ADAMTSL1: variants seen among roughly 807,000 people sequenced by gnomAD.
ADAMTSL1 encodes ADAMTS-like protein 1.
ADAMTSL1 carries 126 observed loss-of-function variants against 201.8 expected under a neutral mutation model. That is an observed-to-expected ratio of 0.62 (90% CI 0.54 to 0.72). The LOEUF is 0.72. Ranked by LOEUF, ADAMTSL1 falls within the 30% of genes least tolerant of loss-of-function variation. The pLI, the probability that ADAMTSL1 is intolerant of heterozygous loss-of-function variation, is 0.00. For missense variants in ADAMTSL1, 2,679 were observed against 2,277.8 expected, an observed-to-expected ratio of 1.18 and a Z score of -3.59; for synonymous variants, 1,121 against 903.4, an observed-to-expected ratio of 1.24 and a Z score of -4.32.
chr9:18,350,816 T>G (rs1039110258), intron 2 of ADAMTSL1, among the ~76,000 whole-genome samples: 13 of 152,134 alleles, frequency 8.5e-5, no homozygotes, highest in African/African-American at 3.1e-4. Context: ...CACAGTTTTA[T>G]GGAATTGGCA....
intron 23 of ADAMTSL1, among the ~76,000 whole-genome samples, chr9:18,876,333 T>TGTGTGTGTGTGC (rs1340134785): frequency 1.3e-5 from 2 of 151,474 alleles, no homozygotes; most frequent in African/African-American, 2.4e-5. Flanking sequence ...TGTGTGTGCG[T>TGTGTGTGTGTGC]GATTGTTTTA....
intron 7 of ADAMTSL1, among the ~76,000 whole-genome samples, chr9:18,645,254 A>C (rs1029573959): frequency 2.0e-5 from 3 of 152,078 alleles, no homozygotes; most frequent in Non-Finnish European, 4.4e-5. Context: ...ATTCTTGTAA[A>C]TTTGTTTGAG....
At chr9:18,714,629 C>T (rs1191312321) in intron 14 of ADAMTSL1, among the ~76,000 whole-genome samples, 1 of 143,582 alleles carries the variant, frequency 7.0e-6, no homozygotes, top group Non-Finnish European at 1.6e-5. Flanking sequence ...CAAAAAGAGT[C>T]CAGAACCAGA....
At chr9:18,786,849 A>G (rs1821738842) in intron 19 of ADAMTSL1, among the ~76,000 whole-genome samples, 1 of 152,212 alleles carries the variant, frequency 6.6e-6, no homozygotes, top group East Asian at 1.9e-4. Flanking sequence ...TGAAATCTGT[A>G]GCCTCTAAAT....
intron 1 of ADAMTSL1, among the ~76,000 whole-genome samples, chr9:17,933,671 C>T (rs188450335): frequency 2.0e-5 from 3 of 151,968 alleles, no homozygotes; most frequent in Non-Finnish European, 2.9e-5. Context: ...TGGCAAAAGT[C>T]GAAGAGAAAG....
intron 2 of ADAMTSL1, among the ~76,000 whole-genome samples, chr9:18,293,362 C>T (rs1434522347): frequency 6.6e-6 from 1 of 152,180 alleles, no homozygotes; most frequent in African/African-American, 2.4e-5. Flanking sequence ...TACATTTGGT[C>T]CATGTAGTTT....
chr9:18,154,723 AT>A (rs896825366), intron 1 of ADAMTSL1, among the ~76,000 whole-genome samples: 1 of 152,046 alleles, frequency 6.6e-6, no homozygotes, highest in Non-Finnish European at 1.5e-5. Flanking sequence ...GACAAAAACA[AT>A]TTTTTTGAAG....
chr9:18,470,388 T>G (rs1821159577), upstream of ADAMTSL1, among the ~76,000 whole-genome samples: 1 of 152,236 alleles, frequency 6.6e-6, no homozygotes, highest in African/African-American at 2.4e-5. Context: ...AATAGCAGTC[T>G]GCTTCCTATA....
At chr9:18,667,211 G>C (rs548028174) in intron 9 of ADAMTSL1, among the ~76,000 whole-genome samples, 15 of 149,410 alleles carry the variant, frequency 1.0e-4, no homozygotes, top group Non-Finnish European at 1.9e-4. Flanking sequence ...AAGTTTAAGT[G>C]AACTTTTTTT....
At chr9:18,276,537 G>C (rs970222074) in intron 2 of ADAMTSL1, among the ~76,000 whole-genome samples, 5 of 152,096 alleles carry the variant, frequency 3.3e-5, no homozygotes. Context: ...ATCTCTATAA[G>C]GGAATACCTG....
chr9:18,031,780 G>T (rs376690459), intron 1 of ADAMTSL1, among the ~76,000 whole-genome samples: 5 of 152,160 alleles, frequency 3.3e-5, no homozygotes, highest in African/African-American at 1.2e-4. Flanking sequence ...TGAGCCAAAG[G>T]TTAGATTGCC....
chr9:18,541,749 T>C (rs748107920), intron 3 of ADAMTSL1, among the ~76,000 whole-genome samples: 1 of 152,178 alleles, frequency 6.6e-6, no homozygotes, highest in Non-Finnish European at 1.5e-5. Flanking sequence ...CTAATATATG[T>C]ACAAACAGAA....
intron 2 of ADAMTSL1, among the ~76,000 whole-genome samples, chr9:18,401,361 G>A (rs187877747): frequency 1.7e-4 from 26 of 152,206 alleles, no homozygotes; most frequent in Middle Eastern, 3.4e-3. Context: ...TGATTCCCAC[G>A]GAGCCCAGTT....
At chr9:18,010,427 G>C (rs185180604) in intron 1 of ADAMTSL1, among the ~76,000 whole-genome samples, 2 of 151,968 alleles carry the variant, frequency 1.3e-5, no homozygotes, top group South Asian at 4.1e-4. Context: ...GGAACACATC[G>C]AAATAAAGGA....
intron 26 of ADAMTSL1, among the ~76,000 whole-genome samples, chr9:18,898,702 A>G (rs1829815437): frequency 6.6e-6 from 1 of 152,210 alleles, no homozygotes; most frequent in South Asian, 2.1e-4. Flanking sequence ...AAAGACAAAA[A>G]ACACAAGTAT....
intron 1 of ADAMTSL1, among the ~76,000 whole-genome samples, chr9:18,046,348 C>T (rs1190373566): frequency 6.6e-6 from 1 of 152,272 alleles, no homozygotes; most frequent in East Asian, 1.9e-4. Context: ...TTTCATCTAG[C>T]TGTTCAAGGT....
At chr9:18,844,776 G>A (rs1825982869) in intron 23 of ADAMTSL1, among the ~76,000 whole-genome samples, 1 of 152,218 alleles carries the variant, frequency 6.6e-6, no homozygotes, top group South Asian at 2.1e-4. Context: ...CTGCCGCATT[G>A]CAGTTTGATC....
intron 1 of ADAMTSL1, among the ~76,000 whole-genome samples, chr9:18,477,093 A>G (rs1190848521): frequency 6.6e-6 from 1 of 152,092 alleles, no homozygotes; most frequent in Non-Finnish European, 1.5e-5. Flanking sequence ...ACATAATGCC[A>G]TTTTCTCAAT....
chr9:18,409,493 T>G (rs531619612), intron 2 of ADAMTSL1, among the ~76,000 whole-genome samples: 1 of 151,426 alleles, frequency 6.6e-6, no homozygotes, highest in African/African-American at 2.4e-5. Context: ...GACATTCTAA[T>G]CATATACTTC....
Sources: allele counts gnomAD v4.1 joint callset (sites outside exome capture counted in the v4.1 genomes callset), GRCh38; gene constraint gnomAD v4.1.1; transcripts MANE v1.5; gene names NCBI Gene and HGNC (gene_info 2026-07-23, HGNC 2026-07-21).